BLNK: variants seen among roughly 807,000 people sequenced by gnomAD.
The protein encoded by BLNK is B cell linker, also known as B-cell linker protein.
In BLNK, 29 loss-of-function variants were observed where a neutral mutation model predicts 73.5. The ratio of observed to expected loss-of-function variants is 0.39; its 90% CI spans 0.29 to 0.54. The LOEUF (loss-of-function observed/expected upper bound fraction) is 0.54, where lower values mean the gene tolerates loss of function less well. Among genes scored for constraint, BLNK ranks in the 20% least tolerant of loss-of-function variants. BLNK has a pLI of 0.61. For synonymous variants in BLNK, 176 were observed against 200.8 expected (o/e 0.88, Z 1.04); for missense variants, 460 against 562.8 (o/e 0.82, Z 1.85).
chr10:96,271,460 C>A lies in BLNK; in HGVS notation c.-62G>T. ...CAGTGGTCACGTCAGCAGTTCCTGG[C>A]CCTCCTAGGGAGCAGCATGGTAAGC... On this transcript the variant is annotated 5_prime_UTR_variant, in exon 1 of 17. Coordinates refer to ENST00000224337, the MANE Select transcript of BLNK (RefSeq NM_013314.4). 1.3e-6 allele frequency: 2 copies of A among 1,554,882 alleles called. No homozygotes were observed. Among genetic ancestry groups the A allele is most frequent in the Non-Finnish European group, 1.8e-6 (2 of 1,126,434 alleles).
At chr10:96,206,199 G>A (rs1445757441) in intron 11 of BLNK, among the ~76,000 whole-genome samples, 3 of 152,116 alleles carry the variant, frequency 2.0e-5, no homozygotes, top group East Asian at 1.9e-4. Context: ...GTAGATATAC[G>A]CACATCAACT....
At chr10:96,234,054 AG>A (rs1432510529) in intron 3 of BLNK, among the ~76,000 whole-genome samples, 1 of 152,236 alleles carries the variant, frequency 6.6e-6, no homozygotes, top group East Asian at 1.9e-4. Context: ...GTTTTGAAAG[AG>A]GTTGTAAAAC....
At chr10:96,225,845 A>G (rs1018322056) in intron 5 of BLNK, among the ~76,000 whole-genome samples, 3 of 152,070 alleles carry the variant, frequency 2.0e-5, no homozygotes, top group African/African-American at 4.8e-5. Context: ...GGGTTCTGCC[A>G]TGTTGGCCAG....
chr10:96,213,576 G>A (rs1360092132), intron 8 of BLNK, among the ~76,000 whole-genome samples: 1 of 152,024 alleles, frequency 6.6e-6, no homozygotes, highest in Non-Finnish European at 1.5e-5. Context: ...TGACATACAG[G>A]CTGATTGGAG....
At chr10:96,209,225 A>G (rs2083891852) in intron 9 of BLNK, among the ~76,000 whole-genome samples, 1 of 152,146 alleles carries the variant, frequency 6.6e-6, no homozygotes, top group African/African-American at 2.4e-5. Flanking sequence ...CATAAAACTG[A>G]GCAGCAGTAA....
At position 96,196,895 on chromosome 10, in the gene BLNK, A is replaced by G. The variant is rs782179925; in HGVS notation, c.1251+13T>C. The G allele has an allele frequency of 1.9e-6, 3 of 1,612,286 alleles. No individual in the cohort carries two copies. The highest frequency in any genetic ancestry group is 1.6e-4 in the Middle Eastern group (1 of 6,074). On this transcript the variant is annotated intron_variant, in intron 16 of 16. Transcript: ENST00000224337. The stretch of plus-strand genomic sequence containing the variant: ...CATAGTTATAGAATTGAATTTAAAA[A>G]GAAATCACTGACCTCTTCACCATTT...
chr10:96,246,909 G>T (rs1445565232), intron 2 of BLNK, 75 bp downstream of exon 2: 7 of 1,131,504 alleles, frequency 6.2e-6, no homozygotes, highest in African/African-American at 3.2e-5. Flanking sequence ...AGGTAACAGA[G>T]AAATTTGTTT....
At chr10:96,249,144 C>T (rs1429682327) in intron 1 of BLNK, among the ~76,000 whole-genome samples, 1 of 152,222 alleles carries the variant, frequency 6.6e-6, no homozygotes, top group Non-Finnish European at 1.5e-5. Flanking sequence ...GAACTGTACA[C>T]AGCTATTGTT....
At chr10:96,208,005 A>C in intron 9 of BLNK, 106 bp from the exon 10 acceptor site, 1 of 1,215,344 alleles carries the variant, frequency 8.2e-7, no homozygotes, top group Non-Finnish European at 1.2e-6. Flanking sequence ...TGAAAGCGAT[A>C]CAAGTGTGTA....
At chr10:96,209,456 G>T (rs1379927273) in intron 9 of BLNK, among the ~76,000 whole-genome samples, 1 of 152,070 alleles carries the variant, frequency 6.6e-6, no homozygotes, top group African/African-American at 2.4e-5. Flanking sequence ...GGAGTGCAGT[G>T]CTGTGATCTC....
chr10:96,257,896 G>A (rs141493776), intron 1 of BLNK, among the ~76,000 whole-genome samples: 1 of 152,292 alleles, frequency 6.6e-6, no homozygotes, highest in Non-Finnish European at 1.5e-5. Flanking sequence ...ACAGATATAG[G>A]CAGACCGGAG....
chr10:96,196,755 T>C (rs1280051632), intron 16 of BLNK, among the ~76,000 whole-genome samples, 153 bp downstream of exon 16: 5 of 152,234 alleles, frequency 3.3e-5, no homozygotes, highest in Admixed American at 6.5e-5. Flanking sequence ...TGCCTAAATA[T>C]AGTATTTTAT....
At chr10:96,201,562 A>G (rs998994893) in intron 13 of BLNK, among the ~76,000 whole-genome samples, 15 of 152,244 alleles carry the variant, frequency 9.9e-5, no homozygotes, top group African/African-American at 3.6e-4. Flanking sequence ...TTCTTAAAAT[A>G]CTAGGTATCA....
chr10:96,263,037 T>C lies in BLNK; in HGVS notation c.47+8315A>G, dbSNP rs556058331. Among the ~76,000 whole-genome samples the C allele has an allele frequency of 2.1e-4, 32 of 152,348 alleles. No individual in the cohort carries two copies. The South Asian group carries it at 6.2e-3, about 30-fold the overall frequency. ...TTTCAGTCCTCGCAAGGCGAATCTC[T>C]GTGCTTCTCCATGGAAGCCTGTGTC... On this transcript the variant is annotated intron_variant, in intron 1 of 16. Transcript: ENST00000224337.
chr10:96,268,020 A>C (rs1554914681), intron 1 of BLNK, among the ~76,000 whole-genome samples: 1 of 152,204 alleles, frequency 6.6e-6, no homozygotes, highest in East Asian at 1.9e-4. Context: ...AGATTAGGCA[A>C]TCTTGCCTAA....
At chr10:96,257,985 C>T (rs781987908) in intron 1 of BLNK, among the ~76,000 whole-genome samples, 8 of 152,208 alleles carry the variant, frequency 5.3e-5, no homozygotes, top group African/African-American at 1.7e-4. Context: ...ACCAACCCAT[C>T]GTTTTGAAGC....
chr10:96,200,309 A>C lies in BLNK; in HGVS notation c.1012-151T>G. Reference sequence around the variant, plus strand: ...GATGAGTTTTATTTTTCCTTTGATCAAACACAAGGATTATACCGTTAACTT... The same window carrying C: ...GATGAGTTTTATTTTTCCTTTGATCCAACACAAGGATTATACCGTTAACTT... On this transcript the variant is annotated intron_variant, in intron 14 of 16. Coordinates refer to ENST00000224337, the MANE Select transcript of BLNK (RefSeq NM_013314.4). This position sits in a 1 kb window ranked among gnomAD's most constrained non-coding sequence, Gnocchi z 4.3. 1 of 637,910 alleles carries C rather than the reference A, an allele frequency of 1.6e-6. No homozygotes were observed. The highest frequency in any genetic ancestry group is 2.0e-5 in the South Asian group (1 of 49,406). 39.5% of individuals were successfully genotyped at this position (637,910 alleles called of 1,614,324 possible). A position where few individuals can be genotyped will look rare whatever the true frequency, so the allele number is the denominator to read the frequency against.
Position 96,196,936 on chromosome 10 carries a change from G to C in BLNK, c.1223C>G (p.Ala408Gly). The change falls in exon 16 of 17, where the codon GCC becomes GGC. Residue 408 changes from alanine (A) to glycine (G), a missense_variant. Ala to Gly is a moderately conservative substitution (Grantham distance 60). Transcript: ENST00000224337. ...VRFIEATKQY[A>G]LGRKKNGEEY... is the part of the protein sequence containing the mutation. ...TTCACCATTTTTCTTTCTGCCCAAGGCATATTGTTTTGTTGCTTCAATAAA... is the reference window on the plus strand; with the variant it reads ...TTCACCATTTTTCTTTCTGCCCAAGCCATATTGTTTTGTTGCTTCAATAAA... 1 of 1,613,270 alleles carries C rather than the reference G, an allele frequency of 6.2e-7. No homozygotes were observed. Among genetic ancestry groups the C allele is most frequent in the Non-Finnish European group, 8.5e-7 (1 of 1,179,698 alleles).
intron 1 of BLNK, among the ~76,000 whole-genome samples, chr10:96,255,309 A>G (rs560278945): frequency 6.6e-6 from 1 of 152,366 alleles, no homozygotes; most frequent in South Asian, 2.1e-4. Context: ...AAGAAATTAC[A>G]TATTTGACAA....
Sources: allele counts gnomAD v4.1 joint callset (sites outside exome capture counted in the v4.1 genomes callset), GRCh38; gene constraint gnomAD v4.1.1; non-coding constraint Gnocchi (gnomAD v3.1); transcripts MANE v1.5; gene names NCBI Gene and HGNC (gene_info 2026-07-23, HGNC 2026-07-21).